The following XNDC1N variants were observed in gnomAD, a reference collection of about 807,000 sequenced individuals.
XNDC1N encodes protein XNDC1N.
chr11:71,910,205 G>A, the XNDC1N span, among the ~76,000 whole-genome samples: 10 of 152,162 alleles, frequency 6.6e-5, no homozygotes, highest in Non-Finnish European at 1.2e-4. Context: ...ACTACCAGCC[G>A]GTTCAGGATT....
chr11:71,891,663 A>T, the XNDC1N span, among the ~76,000 whole-genome samples: 3 of 152,006 alleles, frequency 2.0e-5, no homozygotes, highest in Non-Finnish European at 4.4e-5. Context: ...GGGGTGCTGT[A>T]CAATTACTTC....
chr11:71,892,606 T>C, the XNDC1N span, among the ~76,000 whole-genome samples: 1 of 152,100 alleles, frequency 6.6e-6, no homozygotes. Flanking sequence ...GTCCAATCTC[T>C]GCCTTCCAGG....
chr11:71,891,700 T>C, the XNDC1N span, among the ~76,000 whole-genome samples: 1 of 151,710 alleles, frequency 6.6e-6, no homozygotes, highest in Admixed American at 6.6e-5. Flanking sequence ...TCATCCTCTA[T>C]TTTCCTGGAC....
the XNDC1N span, among the ~76,000 whole-genome samples, chr11:71,882,566 T>A: frequency 1.3e-5 from 2 of 152,226 alleles, no homozygotes; most frequent in African/African-American, 4.8e-5. Flanking sequence ...CATAATTTTC[T>A]TAGGTAACCA....
chr11:71,865,773 T>A, the XNDC1N span: 1 of 291,098 alleles, frequency 3.4e-6, no homozygotes, highest in Non-Finnish European at 5.8e-6. Flanking sequence ...GAAGAACAGT[T>A]TTTTTTTTTT....
chr11:71,886,185 A>G, the XNDC1N span, among the ~76,000 whole-genome samples: 650 of 152,034 alleles, frequency 4.3e-3, 9 homozygotes, highest in African/African-American at 0.015. Context: ...TTCTCAACTG[A>G]AAAAACAATA....
At chr11:71,882,318 G>A in the XNDC1N span, among the ~76,000 whole-genome samples, 1 of 151,848 alleles carries the variant, frequency 6.6e-6, no homozygotes, top group Non-Finnish European at 1.5e-5. Context: ...TGCAGTGGCA[G>A]TGACCTTGGC....
chr11:71,911,313 C>T, the XNDC1N span, among the ~76,000 whole-genome samples: 1 of 152,224 alleles, frequency 6.6e-6, no homozygotes, highest in African/African-American at 2.4e-5. Context: ...TTGTAACAGC[C>T]TACACCCCGC....
At chr11:71,899,375 G>A in the XNDC1N span, among the ~76,000 whole-genome samples, 1 of 151,944 alleles carries the variant, frequency 6.6e-6, no homozygotes, top group East Asian at 1.9e-4. Flanking sequence ...TGAGTGTAGG[G>A]AAAAGAAAGA....
chr11:71,913,005 G>C, the XNDC1N span, among the ~76,000 whole-genome samples: 1 of 151,990 alleles, frequency 6.6e-6, no homozygotes, highest in Non-Finnish European at 1.5e-5. Flanking sequence ...CATTAGGAAG[G>C]GTATCAGAGG....
At chr11:71,916,030 A>G in the XNDC1N span, 1 of 686,092 alleles carries the variant, frequency 1.5e-6, no homozygotes, top group South Asian at 1.5e-5. Context: ...GAAACCTGAA[A>G]AGGAAGGGAA....
At chr11:71,873,393 T>C in the XNDC1N span, among the ~76,000 whole-genome samples, 2 of 152,256 alleles carry the variant, frequency 1.3e-5, no homozygotes, top group African/African-American at 4.8e-5. Flanking sequence ...TGTGTTGTGT[T>C]TGAATATCTC....
chr11:71,910,617 G>A, the XNDC1N span, among the ~76,000 whole-genome samples: 1 of 152,204 alleles, frequency 6.6e-6, no homozygotes, highest in Admixed American at 6.5e-5. Flanking sequence ...GCACCTGGAG[G>A]ACTGTGGGTA....
At chr11:71,891,521 C>T in the XNDC1N span, among the ~76,000 whole-genome samples, 1 of 151,972 alleles carries the variant, frequency 6.6e-6, no homozygotes, top group East Asian at 1.9e-4. Flanking sequence ...ACACACCCTG[C>T]GACATTGGAT....
At chr11:71,909,694 G>A in the XNDC1N span, among the ~76,000 whole-genome samples, 13 of 152,200 alleles carry the variant, frequency 8.5e-5, no homozygotes, top group Non-Finnish European at 1.6e-4. Context: ...CGTCATCGGA[G>A]CCACGGGGGT....
chr11:71,897,652 C>A, the XNDC1N span, among the ~76,000 whole-genome samples: 1 of 152,084 alleles, frequency 6.6e-6, no homozygotes, highest in Non-Finnish European at 1.5e-5. Context: ...AATAGTATGG[C>A]GTGTACTGGA....
chr11:71,924,302 C>G, the XNDC1N span, among the ~76,000 whole-genome samples: 1 of 151,990 alleles, frequency 6.6e-6, no homozygotes, highest in Non-Finnish European at 1.5e-5. Flanking sequence ...TCACTTGAGC[C>G]CAGGAGTTGG....
the XNDC1N span, chr11:71,923,245 ACTC>A: frequency 1.0e-5 from 7 of 700,172 alleles, no homozygotes; most frequent in African/African-American, 1.1e-4. Flanking sequence ...TGGAGCCAAG[ACTC>A]CTATTTTTTT....
At chr11:71,902,444 G>A in the XNDC1N span, among the ~76,000 whole-genome samples, 1 of 152,190 alleles carries the variant, frequency 6.6e-6, no homozygotes, top group South Asian at 2.1e-4. Flanking sequence ...GCCCTCCTCG[G>A]CCTCCCAAAG....
Sources: allele counts gnomAD v4.1 joint callset (sites outside exome capture counted in the v4.1 genomes callset), GRCh38; gene constraint gnomAD v4.1.1; transcripts MANE v1.5; gene names NCBI Gene and HGNC (gene_info 2026-07-23, HGNC 2026-07-21).